PCDHA10: variants seen among roughly 807,000 people sequenced by gnomAD.
PCDHA10 encodes the protein protocadherin alpha 10, also known as protocadherin alpha-10.
A neutral mutation model predicts 61.2 loss-of-function variants in PCDHA10; 45 were observed. The ratio of observed to expected loss-of-function variants is 0.74; its 90% CI spans 0.58 to 0.94. PCDHA10 has a LOEUF of 0.94. Ranked by LOEUF, PCDHA10 falls within the 40% of genes least tolerant of loss-of-function variation. PCDHA10 has a pLI of 0.00. For missense variants in PCDHA10, 1,278 were observed against 1,236.2 expected (o/e 1.03, Z -0.51); for synonymous variants, 602 against 548.8 (o/e 1.10, Z -1.35).
chr5:140,905,043 A>G (rs782694794), intron 1 of PCDHA10, among the ~76,000 whole-genome samples: 1 of 152,244 alleles, frequency 6.6e-6, no homozygotes, highest in East Asian at 1.9e-4. Flanking sequence ...TAGTTTAATT[A>G]GGTCCCATTT....
At chr5:140,929,183 C>G (rs148631412) in intron 1 of PCDHA10, 1 of 1,614,144 alleles carries the variant, frequency 6.2e-7, no homozygotes, top group East Asian at 2.2e-5. Flanking sequence ...GGACTTGGTT[C>G]TGATAATAAC....
chr5:140,936,134 C>A (rs782197390), intron 1 of PCDHA10, among the ~76,000 whole-genome samples: 1 of 152,176 alleles, frequency 6.6e-6, no homozygotes, highest in Non-Finnish European at 1.5e-5. Context: ...CTTAAGTGAT[C>A]TGCCCGCCTT....
intron 1 of PCDHA10, among the ~76,000 whole-genome samples, chr5:140,898,029 TG>T (rs1583292931): frequency 6.6e-6 from 1 of 152,188 alleles, no homozygotes; most frequent in East Asian, 1.9e-4. Context: ...CACTTTTTGA[TG>T]GGGTTGTTTG....
intron 1 of PCDHA10, among the ~76,000 whole-genome samples, chr5:140,938,949 G>A (rs943956831): frequency 6.6e-6 from 1 of 152,028 alleles, no homozygotes; most frequent in Non-Finnish European, 1.5e-5. Flanking sequence ...TTCTTATAAT[G>A]CTCTAGTCGG....
intron 1 of PCDHA10, among the ~76,000 whole-genome samples, chr5:140,955,453 C>T (rs1372474602): frequency 6.6e-6 from 1 of 152,012 alleles, no homozygotes; most frequent in Admixed American, 6.6e-5. Context: ...TTTATAAGGG[C>T]TTTTTCCTTT....
rs2053195452 is a variant in PCDHA10, at chr5:140,871,568, T to G, written c.2388+13132T>G. ...TTAAAATCCAGTTTTTTTTCACGGATTTTTTAAGGGAAAGTTTTATGAATA... is the reference window on the plus strand; with the variant it reads ...TTAAAATCCAGTTTTTTTTCACGGAGTTTTTAAGGGAAAGTTTTATGAATA... On this transcript the variant is annotated intron_variant, in intron 1 of 3. Coordinates refer to ENST00000307360, the MANE Select transcript of PCDHA10 (RefSeq NM_018901.4). 4.7e-6 allele frequency: 7 copies of G among 1,481,802 alleles called. No homozygotes were observed. In the East Asian group the frequency reaches 1.7e-4, roughly 37 times the overall value. The allele number at this position is 1,481,802 out of a possible 1,614,324, so 91.8% of individuals were successfully genotyped here. A position where few individuals can be genotyped will look rare whatever the true frequency, so the allele number is the denominator to read the frequency against.
At chr5:140,923,306 C>A (rs572766829) in intron 1 of PCDHA10, among the ~76,000 whole-genome samples, 1 of 152,216 alleles carries the variant, frequency 6.6e-6, no homozygotes, top group South Asian at 2.1e-4. Context: ...GGCGTGGGGG[C>A]GCTTGGCCTA....
rs3806841 is a variant in PCDHA10, at chr5:140,855,953, T to C, written c.-96T>C. On this transcript the variant is annotated 5_prime_UTR_variant, in exon 1 of 4. Transcript: ENST00000307360. Reference sequence around the variant, plus strand: ...CATTCTGAGATCTCAGCCATTTCGATAAAAAATAGATATAAGAAATAGGAC... The same window carrying C: ...CATTCTGAGATCTCAGCCATTTCGACAAAAAATAGATATAAGAAATAGGAC... 9.7e-5 allele frequency: 134 copies of C among 1,381,096 alleles called. 3 individuals are homozygous for C. In the East Asian group the frequency reaches 3.0e-3, roughly 31 times the overall value. 85.6% of individuals were successfully genotyped at this position (1,381,096 alleles called of 1,614,324 possible).
At chr5:140,898,956 T>C (rs1352076218) in intron 1 of PCDHA10, among the ~76,000 whole-genome samples, 4 of 152,130 alleles carry the variant, frequency 2.6e-5, no homozygotes, top group Admixed American at 2.6e-4. Context: ...GAAGCAGTTG[T>C]GAATGGGAGT....
chr5:141,009,514 A>T (rs2098410382), intron 3 of PCDHA10, 113 bp from the exon 4 acceptor site: 5 of 1,501,204 alleles, frequency 3.3e-6, no homozygotes, highest in African/African-American at 1.4e-5. Context: ...ACAACTCGTG[A>T]TTTTTCTGGG....
At chr5:140,931,260 T>C (rs576177407) in intron 1 of PCDHA10, among the ~76,000 whole-genome samples, 104 of 152,274 alleles carry the variant, frequency 6.8e-4, no homozygotes, top group East Asian at 3.1e-3. Flanking sequence ...GAAATTTCAC[T>C]ATTTATTTCT....
intron 1 of PCDHA10, chr5:140,967,162 C>T (rs782524334): frequency 1.9e-6 from 3 of 1,610,776 alleles, no homozygotes; most frequent in Non-Finnish European, 2.5e-6. Context: ...TGGCGGTGAG[C>T]GCCGTTGAGG....
intron 1 of PCDHA10, chr5:140,967,572 A>G: frequency 6.2e-7 from 1 of 1,613,544 alleles, no homozygotes; most frequent in Non-Finnish European, 8.5e-7. Flanking sequence ...CTACGGGAGG[A>G]CTCACCCCCA....
chr5:140,858,571 C>A lies in PCDHA10; in HGVS notation c.2388+135C>A, dbSNP rs377514565. On this transcript the variant is annotated intron_variant, in intron 1 of 3. Transcript: ENST00000307360. ...TATGCTTGAATATTTCTAGTGATAC[C>A]TTTGTAATATAATTTATTCCAGGAG... 1.0e-4 allele frequency: 142 copies of A among 1,362,202 alleles called. 6 individuals carry two copies. The highest frequency in any genetic ancestry group is 1.4e-4 in the Non-Finnish European group (135 of 988,482). The allele number at this position is 1,362,202 out of a possible 1,614,324, so 84.4% of individuals were successfully genotyped here. A position where few individuals can be genotyped will look rare whatever the true frequency, so the allele number is the denominator to read the frequency against.
intron 1 of PCDHA10, chr5:140,864,365 A>G (rs2048439709): frequency 6.6e-6 from 1 of 152,220 alleles, no homozygotes; most frequent in Non-Finnish European, 1.5e-5. Flanking sequence ...TTATCTTTCT[A>G]TAATCGATAA....
In PCDHA10 at chr5:140,959,652, T is replaced by C. The variant is rs538144488; in HGVS notation, c.2389-19297T>C. 1.3e-4 allele frequency among the ~76,000 whole-genome samples: 20 copies of C among 152,234 alleles called. No individual in the cohort carries two copies. In the South Asian group the frequency reaches 4.2e-3, roughly 32 times the overall value. On this transcript the variant is annotated intron_variant, in intron 1 of 3. Transcript: ENST00000307360. ...AGAGAGAAAAAACACAGAAGCAAAATTGAAGAATTTGTAAATCATTTCTAA... is the reference window on the plus strand; with the variant it reads ...AGAGAGAAAAAACACAGAAGCAAAACTGAAGAATTTGTAAATCATTTCTAA...
In PCDHA10 at chr5:140,946,631, T is replaced by TATATATATATATACAC. The variant is rs57893927; in HGVS notation, c.2389-32317_2389-32316insTATATATATATACACA. ...TGTGAAATATATATATATATATATA[T>TATATATATATATACAC]ACAATGGAATACTCATCAGCCATTA... On this transcript the variant is annotated intron_variant, in intron 1 of 3. Coordinates refer to ENST00000307360, the MANE Select transcript of PCDHA10 (RefSeq NM_018901.4). Among the ~76,000 whole-genome samples the TATATATATATATACAC allele has an allele frequency of 4.3e-4, 57 of 131,850 alleles. 1 individual carries two copies. Among genetic ancestry groups the TATATATATATATACAC allele is most frequent in the East Asian group, 1.6e-3 (8 of 4,866 alleles). The allele number at this position is 131,850 out of a possible 152,430, so 86.5% of individuals were successfully genotyped here.
intron 3 of PCDHA10, among the ~76,000 whole-genome samples, chr5:141,008,882 A>G (rs2098393885): frequency 6.6e-6 from 1 of 152,170 alleles, no homozygotes; most frequent in Non-Finnish European, 1.5e-5. Flanking sequence ...ACCACCCTTC[A>G]ATGTTATTAC....
At chr5:140,934,664 T>C (rs1268113575) in intron 1 of PCDHA10, among the ~76,000 whole-genome samples, 4 of 152,176 alleles carry the variant, frequency 2.6e-5, no homozygotes, top group Non-Finnish European at 5.9e-5. Flanking sequence ...TCTTCCCCTT[T>C]GTTTAGCAGT....
Sources: allele counts gnomAD v4.1 joint callset (sites outside exome capture counted in the v4.1 genomes callset), GRCh38; gene constraint gnomAD v4.1.1; transcripts MANE v1.5; gene names NCBI Gene and HGNC (gene_info 2026-07-23, HGNC 2026-07-21).